The following RYR1 variants were observed in gnomAD, a reference collection of about 807,000 sequenced individuals.
The protein encoded by RYR1 is central core disease of muscle.
Under a neutral mutation model 583.5 loss-of-function variants are expected in RYR1, and 342 were observed. That is an observed-to-expected ratio of 0.59 (90% CI 0.54 to 0.64). RYR1 has a LOEUF of 0.64. Among genes scored for constraint, RYR1 ranks in the 30% least tolerant of loss-of-function variants. The pLI is 0.00. For missense variants in RYR1, 6,032 were observed against 6,917.2 expected, an observed-to-expected ratio of 0.87 and a Z score of 4.54; for synonymous variants, 2,791 against 2,822.5, an observed-to-expected ratio of 0.99 and a Z score of 0.35.
At chr19:38,582,348 G>T (rs2145903731) in intron 101 of RYR1, among the ~76,000 whole-genome samples, 2 of 151,800 alleles carry the variant, frequency 1.3e-5, no homozygotes, top group African/African-American at 4.8e-5. Context: ...CATGAGCCGA[G>T]ATTGCGCCAC....
chr19:38,547,029 G>A (rs1221279616), intron 88 of RYR1, among the ~76,000 whole-genome samples: 1 of 107,446 alleles, frequency 9.3e-6, no homozygotes, highest in Non-Finnish European at 2.0e-5. Context: ...GGATATATTA[G>A]GATCCCTTTT....
At position 38,494,576 on chromosome 19, in the gene RYR1, A is replaced by G. The variant is rs1003382957; in HGVS notation, c.6499A>G (p.Ile2167Val). 6.2e-7 allele frequency: 1 copy of G among 1,614,126 alleles called. No individual in the cohort carries two copies. The highest frequency in any genetic ancestry group is 8.5e-7 in the Non-Finnish European group (1 of 1,180,032). The change falls in exon 39 of 106, where the codon ATC becomes GTC. Residue 2167 changes from isoleucine (I) to valine (V), a missense_variant. By Grantham distance (29) the Ile-to-Val change is conservative. Transcript: ENST00000359596. ...ECLGQIRSLL[I>V]VQMGPQEENL... ...CCTCGGCCAGATCCGCTCGCTGCTC[A>G]TCGTGCAGATGGGCCCCCAGGAGGA...
At chr19:38,437,941 C>G (rs534765707) in intron 1 of RYR1, among the ~76,000 whole-genome samples, 3 of 150,814 alleles carry the variant, frequency 2.0e-5, no homozygotes. Context: ...GAGCTATGAT[C>G]GTACCACTGC....
In RYR1 at chr19:38,490,485, C is replaced by T. The variant is rs1646172311; in HGVS notation, c.6016-136C>T. On this transcript the variant is annotated intron_variant, in intron 36 of 105. Coordinates refer to ENST00000359596, the MANE Select transcript of RYR1 (RefSeq NM_000540.3). Reference sequence around the variant, plus strand: ...CTTTTCAAACCTCTGGCCCTAGTCTCCCAAATAGTCTTCATTAACTCACAC... The same window carrying T: ...CTTTTCAAACCTCTGGCCCTAGTCTTCCAAATAGTCTTCATTAACTCACAC... The T allele has an allele frequency of 3.4e-5, 27 of 800,220 alleles. No homozygotes were observed. In the South Asian group the frequency reaches 3.8e-4, roughly 11 times the overall value. 49.6% of individuals were successfully genotyped at this position (800,220 alleles called of 1,614,324 possible).
intron 1 of RYR1, among the ~76,000 whole-genome samples, chr19:38,438,585 G>C (rs894634617): frequency 1.3e-5 from 2 of 148,782 alleles, no homozygotes; most frequent in Admixed American, 6.7e-5. Context: ...GTAGAGATGG[G>C]GGTCTCATTA....
intron 23 of RYR1, 39 bp downstream of exon 23, chr19:38,464,761 G>T (rs374251049): frequency 2.0e-5 from 30 of 1,532,172 alleles, no homozygotes; most frequent in African/African-American, 2.7e-5. Context: ...GGGATGGACT[G>T]GGGGCTGGGG....
rs984037700 is a variant in RYR1 at position 38,459,251 on chromosome 19, T to A, written c.2273T>A (p.Ile758Asn). 1 of 1,613,988 alleles carries A rather than the reference T, an allele frequency of 6.2e-7. No individual in the cohort carries two copies. Among genetic ancestry groups the A allele is most frequent in the Non-Finnish European group, 8.5e-7 (1 of 1,180,000 alleles). The change falls in exon 19 of 106, where the codon ATC becomes AAC. Residue 758 changes from isoleucine to asparagine, a missense_variant. Coordinates refer to ENST00000359596, the MANE Select transcript of RYR1 (RefSeq NM_000540.3). ...DLSVPSISFR[I>N]NGCPVQGVFE... The stretch of plus-strand genomic sequence containing the variant: ...AGCGTGCCGTCCATCTCCTTCCGCA[T>A]CAACGGCTGCCCCGTGCAGGGTGTC...
chr19:38,524,050 C>T (rs1257813513), intron 70 of RYR1, 121 bp downstream of exon 70: 5 of 1,075,188 alleles, frequency 4.7e-6, no homozygotes, highest in Non-Finnish European at 5.5e-6. Flanking sequence ...TCCTCCCCTC[C>T]CAGCCCCCAC....
chr19:38,547,200 G>A (rs1256372389), intron 88 of RYR1, among the ~76,000 whole-genome samples: 1 of 146,820 alleles, frequency 6.8e-6, no homozygotes, highest in Non-Finnish European at 1.5e-5. Context: ...CACCACACCT[G>A]GCTAATTTTT....
intron 97 of RYR1, among the ~76,000 whole-genome samples, chr19:38,577,013 G>C (rs1035677505): frequency 1.3e-5 from 2 of 152,008 alleles, no homozygotes; most frequent in African/African-American, 4.8e-5. Context: ...AGCCTCCCGA[G>C]TAGCTGGGAT....
intron 1 of RYR1, among the ~76,000 whole-genome samples, chr19:38,437,735 G>A (rs1261042226): frequency 6.6e-6 from 1 of 152,034 alleles, no homozygotes; most frequent in Non-Finnish European, 1.5e-5. Context: ...AAGATCACTT[G>A]AAACCAGGAG....
At chr19:38,570,480 T>C (rs2145864684) in intron 93 of RYR1, 127 bp from the exon 94 acceptor site, 1 of 538,782 alleles carries the variant, frequency 1.9e-6, no homozygotes, top group South Asian at 2.4e-5. Flanking sequence ...AATTAATAAA[T>C]AAATAGGAGG....
In RYR1 at chr19:38,483,598, A is replaced by G; in HGVS notation, c.4934+82A>G. 1 of 1,248,322 alleles carries G rather than the reference A, an allele frequency of 8.0e-7. No individual in the cohort carries two copies. The highest frequency in any genetic ancestry group is 1.1e-6 in the Non-Finnish European group (1 of 888,978). 77.3% of individuals were successfully genotyped at this position (1,248,322 alleles called of 1,614,324 possible). Reference sequence around the variant, plus strand: ...TGGGTCCCACTCAGTGCCCCTCCTCAACACAACCCCGGGATTCCAGACTAC... The same window carrying G: ...TGGGTCCCACTCAGTGCCCCTCCTCGACACAACCCCGGGATTCCAGACTAC... On this transcript the variant is annotated intron_variant, in intron 33 of 105. Transcript: ENST00000359596. The surrounding 1 kb of genome is among the most constrained non-coding windows in gnomAD (Gnocchi z 6.3).
At chr19:38,537,585 G>A (rs1972029591) in intron 83 of RYR1, among the ~76,000 whole-genome samples, 3 of 152,152 alleles carry the variant, frequency 2.0e-5, no homozygotes, top group South Asian at 2.1e-4. Context: ...TCTCCCGAAC[G>A]TAACACAAGT....
rs758668017 is a variant in RYR1 at position 38,577,984 on chromosome 19, G to A, written c.14239G>A (p.Ala4747Thr). 6.2e-6 allele frequency: 10 copies of A among 1,614,088 alleles called. No homozygotes were observed. Among genetic ancestry groups the A allele is most frequent in the Non-Finnish European group, 7.6e-6 (9 of 1,180,026 alleles). ...RIAELLGMDL[A>T]TLEITAHNER... is the part of the protein sequence containing the mutation. ...TGCTGAGCTACTGGGCATGGACCTG[G>A]CCACACTAGAGATCACAGCCCACAA... Residue 4747 changes from alanine (A) to threonine (T), a missense_variant, in exon 98 of 106, where the codon GCC becomes ACC. Transcript: ENST00000359596.
At chr19:38,557,687 C>G (rs1403899327) in intron 89 of RYR1, among the ~76,000 whole-genome samples, 1 of 152,184 alleles carries the variant, frequency 6.6e-6, no homozygotes, top group African/African-American at 2.4e-5. Flanking sequence ...GCCTGAAGTC[C>G]CAGCTACTTG....
rs573431795 is a variant in RYR1, at chr19:38,499,747, C to G, written c.7140C>G (p.Ile2380Met). Residue 2380 changes from isoleucine to methionine, a missense_variant, in exon 44 of 106, where the codon ATC (isoleucine) becomes ATG (methionine). By Grantham distance (10) the Ile-to-Met change is conservative. Transcript: ENST00000359596. The surrounding 1 kb of genome is among the most constrained non-coding windows in gnomAD (Gnocchi z 7.3). ...GTGGCTCAGGGCTGCTGGCTGCCATCGAAGAGGCCATCCGCATCTCCGAGG... is the reference window on the plus strand; with the variant it reads ...GTGGCTCAGGGCTGCTGGCTGCCATGGAAGAGGCCATCCGCATCTCCGAGG... ...GEGGSGLLAA[I>M]EEAIRISEDP... 3.7e-6 allele frequency: 6 copies of G among 1,601,698 alleles called. No homozygotes were observed. The Admixed American group carries it at 8.4e-5, about 22-fold the overall frequency.
chr19:38,484,128 C>A (rs1969156121), intron 33 of RYR1, among the ~76,000 whole-genome samples: 1 of 151,876 alleles, frequency 6.6e-6, no homozygotes, highest in Non-Finnish European at 1.5e-5. Flanking sequence ...GGAGTCTCTA[C>A]TAAAAATACA....
At chr19:38,488,409 T>C (rs1275250254) in intron 34 of RYR1, among the ~76,000 whole-genome samples, 1 of 152,060 alleles carries the variant, frequency 6.6e-6, no homozygotes, top group African/African-American at 2.4e-5. Context: ...CATCCAATCC[T>C]CCCTCCATTC....
Sources: allele counts gnomAD v4.1 joint callset (sites outside exome capture counted in the v4.1 genomes callset), GRCh38; gene constraint gnomAD v4.1.1; non-coding constraint Gnocchi (gnomAD v3.1); transcripts MANE v1.5; gene names NCBI Gene and HGNC (gene_info 2026-07-23, HGNC 2026-07-21).